STPG2: variants seen among roughly 807,000 people sequenced by gnomAD.
STPG2 encodes the protein sperm-tail PG-rich repeat-containing protein 2.
A neutral mutation model predicts 54.2 loss-of-function variants in STPG2; 56 were observed. That is an observed-to-expected ratio of 1.03 (90% confidence interval 0.83 to 1.29). STPG2 has a LOEUF of 1.29. Among genes scored for constraint, STPG2 ranks in the 50% most tolerant of loss-of-function variants. The pLI, the probability that STPG2 is intolerant of heterozygous loss-of-function variation, is 0.00. For synonymous variants in STPG2, 200 were observed against 181.8 expected, an observed-to-expected ratio of 1.10 and a Z score of -0.81; for missense variants, 596 against 544.9, an observed-to-expected ratio of 1.09 and a Z score of -0.93.
intron 5 of STPG2, among the ~76,000 whole-genome samples, chr4:97,997,825 A>C (rs1735291928): frequency 6.6e-6 from 1 of 152,140 alleles, no homozygotes; most frequent in Non-Finnish European, 1.5e-5. Context: ...ATACGGACAC[A>C]AAAAAGGGAA....
intron 2 of STPG2, among the ~76,000 whole-genome samples, chr4:98,133,780 G>T (rs1740063751): frequency 6.6e-6 from 1 of 151,994 alleles, no homozygotes; most frequent in Admixed American, 6.6e-5. Flanking sequence ...TTAAAGGTCT[G>T]CTGGGATCAG....
chr4:97,516,111 T>C lies in STPG2; in HGVS notation c.462+196588A>G, dbSNP rs747173669. Among the ~76,000 whole-genome samples the C allele has an allele frequency of 7.3e-4, 111 of 152,240 alleles. 1 individual carries two copies. Among genetic ancestry groups the C allele is most frequent in the Admixed American group, 2.8e-3 (42 of 15,268 alleles). On this transcript the variant is annotated intron_variant, in intron 4 of 4. Transcript: ENST00000522676. ...ATTTCAAAGTTCCTTAGGATCTCCC[T>C]TTTGTTTTCCCTCACTTGTCATTCA...
At chr4:97,715,694 C>T (rs1245442877) in intron 9 of STPG2, among the ~76,000 whole-genome samples, 1 of 151,930 alleles carries the variant, frequency 6.6e-6, no homozygotes, top group African/African-American at 2.4e-5. Context: ...GAAGGTGACA[C>T]AAATCTACTA....
chr4:97,456,835 G>C (rs1729534638), intron 4 of STPG2, among the ~76,000 whole-genome samples: 1 of 143,324 alleles, frequency 7.0e-6, no homozygotes, highest in Admixed American at 6.9e-5. Flanking sequence ...GTTGGAGCTA[G>C]AGTGAGCTGA....
chr4:97,640,616 G>A (rs561078181), intron 10 of STPG2, among the ~76,000 whole-genome samples: 16 of 150,876 alleles, frequency 1.1e-4, no homozygotes, highest in Admixed American at 4.6e-4. Context: ...CAGGATATAC[G>A]GCATTCAAAA....
At chr4:98,090,895 T>C (rs907753116) in intron 5 of STPG2, among the ~76,000 whole-genome samples, 1 of 150,614 alleles carries the variant, frequency 6.6e-6, no homozygotes, top group Non-Finnish European at 1.5e-5. Context: ...CTTACTACCT[T>C]CAAGACACTT....
At chr4:97,926,681 G>A (rs1029911430) in intron 8 of STPG2, among the ~76,000 whole-genome samples, 2 of 152,056 alleles carry the variant, frequency 1.3e-5, no homozygotes, top group Non-Finnish European at 2.9e-5. Context: ...TTAAAAAGAT[G>A]AGTTTCACTT....
intron 2 of STPG2, among the ~76,000 whole-genome samples, chr4:98,129,658 G>A (rs1325836601): frequency 1.3e-5 from 2 of 152,064 alleles, no homozygotes; most frequent in South Asian, 2.1e-4. Flanking sequence ...ACATGAAGGT[G>A]TAATATATAT....
At position 97,659,768 on chromosome 4, in the gene STPG2, T is replaced by C. The variant is rs534458270; in HGVS notation, c.1320+52931A>G. Among the ~76,000 whole-genome samples, 39 of 152,280 alleles carry C rather than the reference T, an allele frequency of 2.6e-4. No individual in the cohort carries two copies. In the South Asian group the frequency reaches 7.9e-3, roughly 31 times the overall value. On this transcript the variant is annotated intron_variant, in intron 10 of 10. Transcript: ENST00000295268. The stretch of plus-strand genomic sequence containing the variant: ...TCCCTTTTTGTTACATAATAAATAG[T>C]AAGTGGCCAAGAAAACGTTGAGTTG...
At chr4:98,010,052 C>T (rs1254303418) in intron 5 of STPG2, among the ~76,000 whole-genome samples, 2 of 151,950 alleles carry the variant, frequency 1.3e-5, no homozygotes, top group East Asian at 3.9e-4. Context: ...AAAAATCCAA[C>T]TTTTCATTTC....
rs141041913 is a variant in STPG2 at position 98,140,512 on chromosome 4, T to C, written c.109+2530A>G. Among the ~76,000 whole-genome samples, 507 of 152,108 alleles carry C rather than the reference T, an allele frequency of 3.3e-3. 8 individuals are homozygous for C. Among genetic ancestry groups the C allele is most frequent in the Non-Finnish European group, 4.2e-3 (284 of 67,978 alleles). ...TTGAACTAAGTCAAGGACAGCTAAA[T>C]GGAAAAGAGGAACTAATCAAACAGG... On this transcript the variant is annotated intron_variant, in intron 1 of 10. Transcript: ENST00000295268.
chr4:97,694,812 C>CAAAAAAAAAAAAAAAA, intron 10 of STPG2, among the ~76,000 whole-genome samples: 1 of 44,032 alleles, frequency 2.3e-5, no homozygotes, highest in Non-Finnish European at 4.3e-5. Flanking sequence ...GACTCTGTCA[C>CAAAAAAAAAAAAAAAA]AAAAAAAAAA....
intron 5 of STPG2, among the ~76,000 whole-genome samples, chr4:98,018,874 T>TA (rs1460077723): frequency 2.0e-5 from 3 of 152,004 alleles, no homozygotes; most frequent in Non-Finnish European, 4.4e-5. Flanking sequence ...TGTTTGTTTT[T>TA]TTTTTGTAAA....
intron 10 of STPG2, among the ~76,000 whole-genome samples, chr4:97,679,063 G>C (rs1322554860): frequency 6.6e-6 from 1 of 152,040 alleles, no homozygotes; most frequent in Non-Finnish European, 1.5e-5. Flanking sequence ...CTTTGCTATT[G>C]TGAATAGTGC....
intron 5 of STPG2, among the ~76,000 whole-genome samples, chr4:98,050,888 C>A (rs1737298231): frequency 6.6e-6 from 1 of 151,826 alleles, no homozygotes; most frequent in South Asian, 2.1e-4. Flanking sequence ...GCCTGTAGTC[C>A]CAGCTACTCG....
At chr4:97,929,181 C>T (rs1732445930) in intron 8 of STPG2, among the ~76,000 whole-genome samples, 1 of 152,174 alleles carries the variant, frequency 6.6e-6, no homozygotes, top group African/African-American at 2.4e-5. Flanking sequence ...CATCCAGCTC[C>T]ATCCATGTTC....
chr4:97,479,846 G>C (rs1730174493), intron 4 of STPG2, among the ~76,000 whole-genome samples: 2 of 151,826 alleles, frequency 1.3e-5, no homozygotes, highest in African/African-American at 4.8e-5. Context: ...TGATACTCAA[G>C]AAAAGGGAAG....
At chr4:97,649,826 G>A (rs1268269310) in intron 10 of STPG2, among the ~76,000 whole-genome samples, 1 of 152,026 alleles carries the variant, frequency 6.6e-6, no homozygotes, top group Non-Finnish European at 1.5e-5. Context: ...AGACCAGGGG[G>A]GACGGCATGG....
chr4:97,724,383 C>A lies in STPG2; in HGVS notation c.1205-11569G>T, dbSNP rs996775425. Among the ~76,000 whole-genome samples, 3 of 152,152 alleles carry A rather than the reference C, an allele frequency of 2.0e-5. No homozygotes were observed. The East Asian group carries it at 5.8e-4, about 29-fold the overall frequency. On this transcript the variant is annotated intron_variant, in intron 9 of 10. Transcript: ENST00000295268. Reference sequence around the variant, plus strand: ...CATTCAAGTGCCTAGAATAGCTCTTCATTTATTCAGACCACTATCTATGTC... The same window carrying A: ...CATTCAAGTGCCTAGAATAGCTCTTAATTTATTCAGACCACTATCTATGTC...
Sources: gnomAD v4.1 joint callset for allele counts (sites outside exome capture counted in the v4.1 genomes callset) on GRCh38, gnomAD v4.1.1 for gene constraint, MANE v1.5 for transcripts, NCBI Gene and HGNC (gene_info 2026-07-23, HGNC 2026-07-21) for gene names.